The following PCDHGA8 variants were observed in gnomAD, a reference collection of about 807,000 sequenced individuals.
PCDHGA8 encodes protocadherin gamma-A8.
Under a neutral mutation model 59.2 loss-of-function variants are expected in PCDHGA8, and 45 were observed. The observed-to-expected ratio is 0.76, with a 90% CI of 0.60 to 0.98. The LOEUF (loss-of-function observed/expected upper bound fraction) is 0.98. Ranked by LOEUF, PCDHGA8 falls within the 50% of genes least tolerant of loss-of-function variation. The pLI, the probability that PCDHGA8 is intolerant of heterozygous loss-of-function variation, is 0.00. For synonymous variants in PCDHGA8, 531 were observed against 519.0 expected (o/e 1.02, Z -0.32); for missense variants, 1,257 against 1,196.2 (o/e 1.05, Z -0.75).
Position 141,394,379 on chromosome 5 carries a change from T to C in PCDHGA8, c.1566T>C (p.Tyr522=). 1 of 1,614,160 alleles carries C rather than the reference T, an allele frequency of 6.2e-7. No individual in the cohort carries two copies. Among genetic ancestry groups the C allele is most frequent in the Non-Finnish European group, 8.5e-7 (1 of 1,180,024 alleles). ...GVLYALQSFD[Y]EQIRDLQLLV... ...TGTATGCGCTGCAATCTTTCGACTATGAGCAGATCCGAGACCTGCAGCTAC... is the reference window on the plus strand; with the variant it reads ...TGTATGCGCTGCAATCTTTCGACTACGAGCAGATCCGAGACCTGCAGCTAC... The change falls in exon 1 of 4, where the codon TAT becomes TAC. Residue 522 remains tyrosine (Y), a synonymous_variant. Transcript: ENST00000398604.
intron 1 of PCDHGA8, among the ~76,000 whole-genome samples, chr5:141,488,238 C>T (rs374846692): frequency 5.3e-5 from 8 of 152,036 alleles, no homozygotes; most frequent in Non-Finnish European, 1.0e-4. Flanking sequence ...GAACTAGATG[C>T]GGTAAATTGG....
At chr5:141,421,873 T>G (rs1219669838) in intron 1 of PCDHGA8, 3 of 1,613,592 alleles carry the variant, frequency 1.9e-6, no homozygotes, top group Non-Finnish European at 2.5e-6. Context: ...CCTCACAGCT[T>G]TAGATGGAGG....
At chr5:141,413,677 G>C (rs539552615) in intron 1 of PCDHGA8, 1 of 1,613,794 alleles carries the variant, frequency 6.2e-7, no homozygotes, top group South Asian at 1.1e-5. Context: ...GGATGTGGGC[G>C]TGAACTCCCT....
intron 1 of PCDHGA8, among the ~76,000 whole-genome samples, chr5:141,465,407 A>G (rs1019401245): frequency 6.6e-6 from 1 of 152,218 alleles, no homozygotes; most frequent in African/African-American, 2.4e-5. Flanking sequence ...AGAAGAAGCC[A>G]AATCAGCACT....
chr5:141,417,947 T>A (rs958624664), intron 1 of PCDHGA8: 53 of 1,613,420 alleles, frequency 3.3e-5, no homozygotes, highest in Middle Eastern at 1.7e-4. Context: ...CCCCACGCTG[T>A]GTGAGCCGAT....
intron 1 of PCDHGA8, chr5:141,415,862 A>G: frequency 1.8e-6 from 2 of 1,107,350 alleles, no homozygotes; most frequent in Non-Finnish European, 1.2e-6. Flanking sequence ...TGTAGTTTAT[A>G]GTGTTGTTGA....
intron 1 of PCDHGA8, among the ~76,000 whole-genome samples, chr5:141,405,839 G>C (rs2094725144): frequency 6.6e-6 from 1 of 152,134 alleles, no homozygotes; most frequent in African/African-American, 2.4e-5. Context: ...AGTATAAGTT[G>C]ATATCAGTGT....
chr5:141,485,444 G>A lies in PCDHGA8; in HGVS notation c.2425-9363G>A. 1 of 1,614,110 alleles carries A rather than the reference G, an allele frequency of 6.2e-7. No individual in the cohort carries two copies. Among genetic ancestry groups the A allele is most frequent in the Non-Finnish European group, 8.5e-7 (1 of 1,180,020 alleles). On this transcript the variant is annotated intron_variant, in intron 1 of 3. Coordinates refer to ENST00000398604, the MANE Select transcript of PCDHGA8 (RefSeq NM_032088.2). This position sits in a 1 kb window ranked among gnomAD's most constrained non-coding sequence, Gnocchi z 5.7. ...AGCCCTGCTCATCAAGAACCCAATC[G>A]ACCGAGAGGCACTGTGTGGGCTCAG...
At chr5:141,421,699 G>T (rs751572007) in intron 1 of PCDHGA8, 1 of 1,613,928 alleles carries the variant, frequency 6.2e-7, no homozygotes, top group Admixed American at 1.7e-5. Flanking sequence ...TCTTCCTAAT[G>T]CTAGGGATCC....
intron 1 of PCDHGA8, chr5:141,415,098 G>T (rs578221269): frequency 1.9e-5 from 31 of 1,613,588 alleles, no homozygotes; most frequent in African/African-American, 1.7e-4. Flanking sequence ...ACAGAGACGC[G>T]CTCAAGCAAA....
At chr5:141,449,667 G>A (rs540415333) in intron 1 of PCDHGA8, among the ~76,000 whole-genome samples, 1 of 150,824 alleles carries the variant, frequency 6.6e-6, no homozygotes, top group South Asian at 2.1e-4. Context: ...ACACCCAAGT[G>A]TGTATGTATA....
At chr5:141,442,473 C>T (rs1435437337) in intron 1 of PCDHGA8, 1 of 152,240 alleles carries the variant, frequency 6.6e-6, no homozygotes, top group Non-Finnish European at 1.5e-5. Flanking sequence ...CAGAAAGCCC[C>T]TTGGGGAAGG....
intron 1 of PCDHGA8, chr5:141,413,431 G>T (rs963192857): frequency 1.9e-6 from 3 of 1,614,092 alleles, no homozygotes; most frequent in Non-Finnish European, 2.5e-6. Context: ...CCCGCGCAGC[G>T]GCAGCTTGAT....
Position 141,394,252 on chromosome 5 carries a change from A to G in PCDHGA8, c.1439A>G (p.Asp480Gly). ...TTTTCCTTGACTGCACACGACCCCG[A>G]CAGCCAGGAGAATGCCCAGGTCACT... is the stretch of plus-strand genomic sequence containing the variant. ...SIFSLTAHDPDSQENAQVTYS... is the reference protein window; with the variant it reads ...SIFSLTAHDPGSQENAQVTYS... The change falls in exon 1 of 4, where the codon GAC becomes GGC. Residue 480 changes from aspartate to glycine, a missense_variant. By Grantham distance (94) the Asp-to-Gly change is moderately conservative. Transcript: ENST00000398604. The G allele has an allele frequency of 6.2e-7, 1 of 1,613,902 alleles. No individual in the cohort carries two copies. The highest frequency in any genetic ancestry group is 8.5e-7 in the Non-Finnish European group (1 of 1,179,864).
rs2092851099 is a variant in PCDHGA8, at chr5:141,393,820, C to T, written c.1007C>T (p.Ser336Leu). The T allele has an allele frequency of 6.2e-7, 1 of 1,613,918 alleles. No individual in the cohort carries two copies. The highest frequency in any genetic ancestry group is 8.5e-7 in the Non-Finnish European group (1 of 1,179,882). The change falls in exon 1 of 4, where the codon TCG (serine) becomes TTG (leucine). Residue 336 changes from serine (S) to leucine (L), a missense_variant. Physicochemically the swap from Ser to Leu is moderately radical, Grantham distance 145. Coordinates refer to ENST00000398604, the MANE Select transcript of PCDHGA8 (RefSeq NM_032088.2). ...CTGGGGAGGACCAAATTGCTCATTT[C>T]GGTGGAAGATGTAAATGACAATAGA... ...ALLGRTKLLI[S>L]VEDVNDNRPE...
chr5:141,485,338 T>C lies in PCDHGA8; in HGVS notation c.2425-9469T>C, dbSNP rs1259658641. The stretch of plus-strand genomic sequence containing the variant: ...ATGTCGCTCAAGATTTCCTGCTGGA[T>C]ACGGACAGTCTGTCAGCTCGCAGGC... On this transcript the variant is annotated intron_variant, in intron 1 of 3. Coordinates refer to ENST00000398604, the MANE Select transcript of PCDHGA8 (RefSeq NM_032088.2). The surrounding 1 kb of genome is among the most constrained non-coding windows in gnomAD (Gnocchi z 5.7). 1 of 1,614,140 alleles carries C rather than the reference T, an allele frequency of 6.2e-7. No individual in the cohort carries two copies. Among genetic ancestry groups the C allele is most frequent in the Non-Finnish European group, 8.5e-7 (1 of 1,180,006 alleles).
At chr5:141,409,381 G>T (rs1258881607) in intron 1 of PCDHGA8, 1 of 1,614,018 alleles carries the variant, frequency 6.2e-7, no homozygotes, top group Admixed American at 1.7e-5. Context: ...TTCCATTCAA[G>T]ATTTATTCTT....
intron 1 of PCDHGA8, among the ~76,000 whole-genome samples, chr5:141,456,135 G>A (rs1422353665): frequency 6.6e-6 from 1 of 152,052 alleles, no homozygotes; most frequent in Non-Finnish European, 1.5e-5. Context: ...CTGACCTCCT[G>A]ATCCGCCCGC....
At chr5:141,415,023 C>G in intron 1 of PCDHGA8, 1 of 1,613,530 alleles carries the variant, frequency 6.2e-7, no homozygotes, top group Non-Finnish European at 8.5e-7. Context: ...TCAAGGCCAG[C>G]GAGCCGGGAC....
Sources: gnomAD v4.1 joint callset for allele counts (sites outside exome capture counted in the v4.1 genomes callset) on GRCh38, gnomAD v4.1.1 for gene constraint, Gnocchi (gnomAD v3.1) non-coding constraint, MANE v1.5 for transcripts, NCBI Gene and HGNC (gene_info 2026-07-23, HGNC 2026-07-21) for gene names.